The following OR3A2 variants were observed in gnomAD, a reference collection of about 807,000 sequenced individuals.
OR3A2 encodes olfactory receptor family 3 subfamily A member 2.
For missense variants in OR3A2, 318 were observed against 392.8 expected (o/e 0.81, Z 1.61); for synonymous variants, 126 against 159.3 (o/e 0.79, Z 1.57).
rs2049259845 is a variant in OR3A2 at position 3,334,037 on chromosome 17, A to G, written c.-85+1996T>C. Among the ~76,000 whole-genome samples, 5 of 152,358 alleles carry G rather than the reference A, an allele frequency of 3.3e-5. No individual in the cohort carries two copies. The South Asian group carries it at 1.0e-3, about 32-fold the overall frequency. On this transcript the variant is annotated intron_variant, in intron 3 of 4. Transcript: ENST00000573491. ...ATCACTGATCATTAGAGAAATGTAA[A>G]TCAAAACCACAATTAAGATATCATC...
intron 3 of OR3A2, chr17:3,310,684 G>A (rs141261218): frequency 7.3e-5 from 40 of 544,284 alleles, no homozygotes; most frequent in East Asian, 3.7e-4. Flanking sequence ...GCCTATGACC[G>A]CTATCTGGCC....
At chr17:3,308,495 G>A (rs1012286976) in intron 3 of OR3A2, among the ~76,000 whole-genome samples, 4 of 152,142 alleles carry the variant, frequency 2.6e-5, no homozygotes, top group African/African-American at 9.7e-5. Context: ...CACCCAAAAA[G>A]ATCCAGTGGG....
chr17:3,346,798 C>A (rs1284074370), intron 2 of OR3A2, among the ~76,000 whole-genome samples: 2 of 152,150 alleles, frequency 1.3e-5, no homozygotes, highest in Non-Finnish European at 2.9e-5. Flanking sequence ...TGATGTTTGA[C>A]TTCCTGTGCC....
chr17:3,348,823 A>C (rs1408277523), intron 2 of OR3A2, among the ~76,000 whole-genome samples: 18 of 152,222 alleles, frequency 1.2e-4, no homozygotes, highest in Non-Finnish European at 7.3e-5. Context: ...TCAGATTAAC[A>C]GCAGATCTCT....
At chr17:3,281,782 C>T (rs1359729355) in intron 1 of OR3A2, among the ~76,000 whole-genome samples, 3 of 152,154 alleles carry the variant, frequency 2.0e-5, no homozygotes, top group Non-Finnish European at 4.4e-5. Context: ...TTTCCAGCCT[C>T]GATTTCCAAC....
rs999777842 is a variant in OR3A2 at position 3,278,017 on chromosome 17, G to A, written c.901C>T (p.Gln301Ter). Residue 301 changes from glutamine (Q) to a stop codon, truncating the protein, a stop_gained, in exon 2 of 2, where the codon CAG (glutamine) becomes TAG (stop). Transcript: ENST00000642052. LOFTEE classifies it low-confidence loss of function (END_TRUNC). ...AAAAATATTTGCCACAGAGCACCCT[G>A]AACATCAGGGTTTCTGAGGCTGTAG... 12 of 1,607,814 alleles carry A rather than the reference G, an allele frequency of 7.5e-6. No individual in the cohort carries two copies. Among genetic ancestry groups the A allele is most frequent in the Admixed American group, 1.7e-5 (1 of 59,930 alleles).
chr17:3,285,427 G>A (rs1414030878), upstream of OR3A2, among the ~76,000 whole-genome samples: 1 of 152,102 alleles, frequency 6.6e-6, no homozygotes, highest in African/African-American at 2.4e-5. Flanking sequence ...GCACTGCTGT[G>A]AACATTACAT....
chr17:3,278,097 T>C lies in OR3A2; in HGVS notation c.821A>G (p.Asp274Gly), dbSNP rs776462481. ...AGTGTTGAAAACTCCAACCCCTTTA[T>C]CCTTGTCTGAAGCCTCCTCTGAACC... The change falls in exon 2 of 2, where the codon GAT (aspartate) becomes GGT (glycine). Residue 274 changes from aspartate (D) to glycine (G), a missense_variant. Coordinates refer to ENST00000642052, the Ensembl canonical transcript of OR3A2. 4 of 1,614,212 alleles carry C rather than the reference T, an allele frequency of 2.5e-6. No individual in the cohort carries two copies. The East Asian group carries it at 8.9e-5, about 36-fold the overall frequency.
At chr17:3,350,327 G>A (rs1482629676) in intron 2 of OR3A2, among the ~76,000 whole-genome samples, 1 of 149,756 alleles carries the variant, frequency 6.7e-6, no homozygotes, top group African/African-American at 2.4e-5. Context: ...TCAAATAGAT[G>A]CAATAAAAAA....
At chr17:3,347,298 G>A (rs1219938761) in intron 2 of OR3A2, among the ~76,000 whole-genome samples, 1 of 151,788 alleles carries the variant, frequency 6.6e-6, no homozygotes. Context: ...CAATATGCAG[G>A]TTAGTTACAT....
intron 1 of OR3A2, among the ~76,000 whole-genome samples, chr17:3,384,706 G>A (rs992463539): frequency 1.3e-5 from 2 of 152,036 alleles, no homozygotes; most frequent in African/African-American, 4.8e-5. Flanking sequence ...CTAGTACAGG[G>A]GTCAGCAAAT....
At chr17:3,347,670 G>A (rs1423229082) in intron 2 of OR3A2, among the ~76,000 whole-genome samples, 1 of 152,162 alleles carries the variant, frequency 6.6e-6, no homozygotes, top group Non-Finnish European at 1.5e-5. Flanking sequence ...TTGGTTCCAA[G>A]TCCTTGCTAT....
At chr17:3,384,313 T>C (rs980972838) in intron 1 of OR3A2, among the ~76,000 whole-genome samples, 1 of 152,184 alleles carries the variant, frequency 6.6e-6, no homozygotes, top group Non-Finnish European at 1.5e-5. Context: ...AACTGAGAAA[T>C]TTAAAAGTGT....
chr17:3,285,642 G>T (rs966251892), upstream of OR3A2, among the ~76,000 whole-genome samples: 4 of 152,048 alleles, frequency 2.6e-5, no homozygotes, highest in African/African-American at 7.2e-5. Flanking sequence ...ACAAAAATTT[G>T]TCAGGCACAG....
At chr17:3,278,256 T>C (rs1288394796) in exon 2 of OR3A2, 4 of 1,614,038 alleles carry the variant, frequency 2.5e-6, no homozygotes, top group Non-Finnish European at 3.4e-6. Context: ...CACGTGGCTG[T>C]AGGCAGTGAT....
chr17:3,311,558 C>T lies in OR3A2; in HGVS notation c.-85+24475G>A. On this transcript the variant is annotated intron_variant, in intron 3 of 4. Coordinates refer to the OR3A2 transcript ENST00000573491. This position sits in a 1 kb window ranked among gnomAD's most constrained non-coding sequence, Gnocchi z 4.6. ...GACCTCCCACCTCTTTTCCAGCTCT[C>T]TTGCTCCAGCATCCACCTCAATGGG... 2.3e-6 allele frequency: 1 copy of T among 428,982 alleles called. No individual in the cohort carries two copies. The allele number at this position is 428,982 out of a possible 1,614,324, so 26.6% of individuals were successfully genotyped here.
rs754328819 is a variant in OR3A2 at position 3,311,169 on chromosome 17, A to G, written c.-85+24864T>C. 24 of 538,486 alleles carry G rather than the reference A, an allele frequency of 4.5e-5. No homozygotes were observed. Among genetic ancestry groups the G allele is most frequent in the Admixed American group, 4.1e-4 (21 of 51,790 alleles). The allele number at this position is 538,486 out of a possible 1,614,324, so 33.4% of individuals were successfully genotyped here. A position where few individuals can be genotyped will look rare whatever the true frequency, so the allele number is the denominator to read the frequency against. On this transcript the variant is annotated intron_variant, in intron 3 of 4. Coordinates refer to the OR3A2 transcript ENST00000573491. The surrounding 1 kb of genome is among the most constrained non-coding windows in gnomAD (Gnocchi z 4.6). ...CATCCTCAACACTGTCATCAGCCCC[A>G]TGCTGAACCCACTCATCTACTGGAC...
At chr17:3,291,071 A>C (rs554030629) in intron 3 of OR3A2, 2 of 152,406 alleles carry the variant, frequency 1.3e-5, no homozygotes, top group South Asian at 4.1e-4. Context: ...ATAATCATAC[A>C]GCTTCCCCTC....
At chr17:3,354,324 C>CT (rs1192104894) in intron 2 of OR3A2, among the ~76,000 whole-genome samples, 1 of 151,146 alleles carries the variant, frequency 6.6e-6, no homozygotes, top group African/African-American at 2.4e-5. Flanking sequence ...TTCTTTTCCT[C>CT]TTTTTTGAGA....
Sources: gnomAD v4.1 joint callset for allele counts (sites outside exome capture counted in the v4.1 genomes callset) on GRCh38, gnomAD v4.1.1 for gene constraint, Gnocchi (gnomAD v3.1) non-coding constraint, MANE v1.5 for transcripts, NCBI Gene and HGNC (gene_info 2026-07-23, HGNC 2026-07-21) for gene names.